The following DMRT1 variants were observed in gnomAD, a reference collection of about 807,000 sequenced individuals.
The protein encoded by DMRT1 is doublesex- and mab-3-related transcription factor 1.
A neutral mutation model predicts 32.3 loss-of-function variants in DMRT1; 7 were observed. That is an observed-to-expected ratio of 0.22 (90% CI 0.12 to 0.41). DMRT1 has a LOEUF of 0.41. Among genes scored for constraint, DMRT1 ranks in the 10% least tolerant of loss-of-function variants. DMRT1 has a pLI of 1.00. For synonymous variants in DMRT1, 278 were observed against 206.1 expected, an observed-to-expected ratio of 1.35 and a Z score of -2.99; for missense variants, 625 against 500.5, an observed-to-expected ratio of 1.25 and a Z score of -2.37.
At chr9:952,996 A>C (rs1326732047) in intron 4 of DMRT1, among the ~76,000 whole-genome samples, 1 of 152,176 alleles carries the variant, frequency 6.6e-6, no homozygotes, top group African/African-American at 2.4e-5. Flanking sequence ...AATCTTTAAG[A>C]CTTCAAAGGT....
intron 4 of DMRT1, among the ~76,000 whole-genome samples, chr9:937,665 C>T (rs1328957820): frequency 2.0e-5 from 3 of 152,078 alleles, no homozygotes; most frequent in Non-Finnish European, 4.4e-5. Context: ...AATGCCTGTT[C>T]AAGTCATTTG....
chr9:884,973 C>G (rs1030608273), intron 2 of DMRT1, among the ~76,000 whole-genome samples: 3 of 152,148 alleles, frequency 2.0e-5, no homozygotes, highest in Non-Finnish European at 4.4e-5. Flanking sequence ...GACTCGGTCT[C>G]AAACAAAAAC....
chr9:896,088 C>CCACCA (rs1817349751), intron 3 of DMRT1, among the ~76,000 whole-genome samples: 1 of 152,020 alleles, frequency 6.6e-6, no homozygotes, highest in South Asian at 2.1e-4. Flanking sequence ...CAGGCATGAG[C>CCACCA]CACCACTCCC....
intron 2 of DMRT1, among the ~76,000 whole-genome samples, chr9:876,578 T>C (rs1816509045): frequency 6.6e-6 from 1 of 151,812 alleles, no homozygotes; most frequent in African/African-American, 2.4e-5. Flanking sequence ...TCATCCAGTC[T>C]GGAGTGCAGT....
At chr9:894,242 C>T in intron 3 of DMRT1, 47 bp downstream of exon 3, 2 of 1,593,684 alleles carry the variant, frequency 1.3e-6, no homozygotes, top group South Asian at 1.1e-5. Flanking sequence ...GTGAAAGCCA[C>T]ATGCATGTGC....
At chr9:844,662 G>T (rs1838822791) in intron 1 of DMRT1, among the ~76,000 whole-genome samples, 1 of 150,898 alleles carries the variant, frequency 6.6e-6, no homozygotes, top group Admixed American at 6.6e-5. Context: ...TCCTGTGTTT[G>T]GACTGTGGTT....
intron 2 of DMRT1, among the ~76,000 whole-genome samples, chr9:872,310 C>T (rs576434578): frequency 1.3e-5 from 2 of 152,338 alleles, no homozygotes; most frequent in South Asian, 4.1e-4. Flanking sequence ...ATCCACCCGC[C>T]TTGGCCTCCC....
chr9:931,750 C>A (rs1292465597), intron 4 of DMRT1, among the ~76,000 whole-genome samples: 1 of 152,152 alleles, frequency 6.6e-6, no homozygotes, highest in Admixed American at 6.5e-5. Flanking sequence ...AGAGTATGAC[C>A]TCATTTAACC....
chr9:951,677 A>G (rs997308485), intron 4 of DMRT1, among the ~76,000 whole-genome samples: 3 of 152,228 alleles, frequency 2.0e-5, no homozygotes, highest in African/African-American at 7.2e-5. Context: ...TACTTAAAGA[A>G]TAAAACTGTT....
At chr9:912,906 C>A (rs997341409) in intron 3 of DMRT1, among the ~76,000 whole-genome samples, 2 of 152,128 alleles carry the variant, frequency 1.3e-5, no homozygotes, top group Admixed American at 6.5e-5. Context: ...TCTCACCTTA[C>A]TCCAGTGAGA....
chr9:894,871 T>C (rs1309404813), intron 3 of DMRT1: 2 of 154,218 alleles, frequency 1.3e-5, no homozygotes, highest in East Asian at 1.9e-4. Context: ...TGGAGTGCAG[T>C]GGTAGGATCT....
chr9:875,947 C>T (rs912058), intron 2 of DMRT1, among the ~76,000 whole-genome samples: 34,672 of 152,054 alleles, frequency 0.23, 4,440 homozygotes, highest in East Asian at 0.39. Flanking sequence ...AAAGAGGTGC[C>T]ACATGTGATT....
chr9:842,203 G>T lies in DMRT1; in HGVS notation c.354+11G>T. The T allele has an allele frequency of 1.3e-6, 2 of 1,535,662 alleles. No homozygotes were observed. Among genetic ancestry groups the T allele is most frequent in the Admixed American group, 2.0e-5 (1 of 50,834 alleles). On this transcript the variant is annotated intron_variant, in intron 1 of 4. Transcript: ENST00000382276. ...GTGATGGCCGCGCAGGTGGGTGCGGGCGTGCGGGAGCCCGGGTTCAGCCTT... is the reference window on the plus strand; with the variant it reads ...GTGATGGCCGCGCAGGTGGGTGCGGTCGTGCGGGAGCCCGGGTTCAGCCTT...
chr9:858,679 G>C (rs1231931940), intron 2 of DMRT1, among the ~76,000 whole-genome samples: 1 of 151,924 alleles, frequency 6.6e-6, no homozygotes, highest in Non-Finnish European at 1.5e-5. Flanking sequence ...TTCGAGACCA[G>C]CCTGACCAAC....
At chr9:894,406 T>C (rs1413647520) in intron 3 of DMRT1, 2 of 619,008 alleles carry the variant, frequency 3.2e-6, no homozygotes, top group Non-Finnish European at 5.8e-6. Flanking sequence ...TTTTACTCTG[T>C]CAATAATGCC....
intron 4 of DMRT1, among the ~76,000 whole-genome samples, chr9:941,014 C>T (rs1246501800): frequency 6.6e-6 from 1 of 152,102 alleles, no homozygotes; most frequent in East Asian, 1.9e-4. Context: ...AGGATGGCTA[C>T]TATAAAAACA....
chr9:902,034 T>C (rs1006706823), intron 3 of DMRT1, among the ~76,000 whole-genome samples: 48 of 150,426 alleles, frequency 3.2e-4, no homozygotes, highest in African/African-American at 1.1e-3. Context: ...CTCAGCGTCC[T>C]GAGTAGCTGG....
At chr9:930,323 C>A (rs1818669422) in intron 4 of DMRT1, among the ~76,000 whole-genome samples, 1 of 152,010 alleles carries the variant, frequency 6.6e-6, no homozygotes, top group Admixed American at 6.5e-5. Flanking sequence ...CATCTGAATT[C>A]CTTGGCTCAA....
At chr9:859,460 C>T (rs1297333213) in intron 2 of DMRT1, among the ~76,000 whole-genome samples, 3 of 152,150 alleles carry the variant, frequency 2.0e-5, no homozygotes, top group Admixed American at 2.0e-4. Context: ...TCAGTGCTCT[C>T]TCACGGAGTC....
Sources: gnomAD v4.1 joint callset for allele counts (sites outside exome capture counted in the v4.1 genomes callset) on GRCh38, gnomAD v4.1.1 for gene constraint, MANE v1.5 for transcripts, NCBI Gene and HGNC (gene_info 2026-07-23, HGNC 2026-07-21) for gene names.